KDM5B: variants seen among roughly 807,000 people sequenced by gnomAD.
KDM5B encodes lysine demethylase 5B.
In KDM5B, 144 loss-of-function variants were observed where a neutral mutation model predicts 193.4. The observed-to-expected ratio is 0.74, with a 90% CI of 0.65 to 0.86. The LOEUF is 0.86. Among genes scored for constraint, KDM5B ranks in the 40% least tolerant of loss-of-function variants. The pLI is 0.00. For synonymous variants in KDM5B, 668 were observed against 682.6 expected, an observed-to-expected ratio of 0.98 and a Z score of 0.33; for missense variants, 1,833 against 1,886.9, an observed-to-expected ratio of 0.97 and a Z score of 0.53.
chr1:202,733,171 T>C (rs935596491), intron 23 of KDM5B, among the ~76,000 whole-genome samples: 1 of 152,206 alleles, frequency 6.6e-6, no homozygotes, highest in African/African-American at 2.4e-5. Flanking sequence ...AAGCTAAATA[T>C]GTGCTCTATA....
chr1:202,776,725 C>T (rs1656972218), intron 2 of KDM5B, among the ~76,000 whole-genome samples: 1 of 152,058 alleles, frequency 6.6e-6, no homozygotes, highest in Non-Finnish European at 1.5e-5. Flanking sequence ...TCACACGTGG[C>T]TAATTTTTTA....
chr1:202,767,203 T>C, intron 4 of KDM5B, 143 bp from the exon 5 acceptor site: 1 of 1,556,734 alleles, frequency 6.4e-7, no homozygotes, highest in Non-Finnish European at 8.9e-7. Context: ...TCTTCATATC[T>C]GTTAAATGGA....
chr1:202,749,076 G>C lies in KDM5B; in HGVS notation c.1885C>G (p.His629Asp), dbSNP rs1185279885. 6.2e-7 allele frequency: 1 copy of C among 1,614,016 alleles called. No homozygotes were observed. Among genetic ancestry groups the C allele is most frequent in the Non-Finnish European group, 8.5e-7 (1 of 1,179,976 alleles). The change falls in exon 14 of 27, where the codon CAC becomes GAC. Residue 629 changes from histidine to aspartate, a missense_variant. Around this residue, in one of 3 missense-constraint regions of KDM5B, gnomAD observed 1,379 missense variants for 1,349.6 expected, o/e 1.02. Coordinates refer to ENST00000367265, the MANE Select transcript of KDM5B (RefSeq NM_006618.5). ...GCCATCTTGCAGATCATCTCATCGT[G>C]GGAAAACACACAATATCGATGAAGC... is the stretch of plus-strand genomic sequence containing the variant. ...RLLHRYCVFS[H>D]DEMICKMASK...
chr1:202,730,008 T>G lies in KDM5B; in HGVS notation c.4196A>C (p.Lys1399Thr). The G allele has an allele frequency of 6.2e-7, 1 of 1,611,314 alleles. No homozygotes were observed. Among genetic ancestry groups the G allele is most frequent in the Non-Finnish European group, 8.5e-7 (1 of 1,178,588 alleles). ...SSEKNDCCRG[K>T]RDGINSLERK... ...CTCAAGACTGTTAATTCCATCTCGC[T>G]TCCCTCGGCAACAGTCATTCTGGGT... Residue 1399 changes from lysine (K) to threonine (T), a missense_variant, in exon 26 of 27, where the codon AAG becomes ACG. Lys to Thr is a moderately conservative substitution (Grantham distance 78, BLOSUM62 -1). Transcript: ENST00000367265.
At chr1:202,749,414 G>A (rs1156399364) in intron 13 of KDM5B, among the ~76,000 whole-genome samples, 3 of 152,182 alleles carry the variant, frequency 2.0e-5, no homozygotes, top group African/African-American at 4.8e-5. Flanking sequence ...AACATTAGTC[G>A]GGTGTGGCGG....
intron 15 of KDM5B, 69 bp downstream of exon 15, chr1:202,746,073 C>T (rs1401393535): frequency 1.6e-5 from 26 of 1,577,046 alleles, no homozygotes; most frequent in African/African-American, 8.1e-5. Context: ...CCTAGAACTG[C>T]GGTATCATTG....
intron 1 of KDM5B, among the ~76,000 whole-genome samples, chr1:202,782,151 T>C (rs537423357): frequency 6.6e-6 from 1 of 152,290 alleles, no homozygotes; most frequent in Admixed American, 6.5e-5. Flanking sequence ...GAGAAGATCA[T>C]TTTTGCATGA....
At chr1:202,776,923 A>G in intron 2 of KDM5B, 94 bp downstream of exon 2, 2 of 836,112 alleles carry the variant, frequency 2.4e-6, no homozygotes, top group East Asian at 2.5e-5. Flanking sequence ...ACAGATTTAC[A>G]ATGGTGATTC....
rs536127249 is a variant in KDM5B at position 202,762,500 on chromosome 1, T to C, written c.918+199A>G. Among the ~76,000 whole-genome samples the C allele has an allele frequency of 2.0e-5, 3 of 152,364 alleles. No homozygotes were observed. In the East Asian group the frequency reaches 5.8e-4, roughly 29 times the overall value. On this transcript the variant is annotated intron_variant, in intron 7 of 26. Coordinates refer to ENST00000367265, the MANE Select transcript of KDM5B (RefSeq NM_006618.5). ...GCCCCGGATGTTACTACCATCTTTATAGTATGATCATGTATTTCCTCATTT... is the reference window on the plus strand; with the variant it reads ...GCCCCGGATGTTACTACCATCTTTACAGTATGATCATGTATTTCCTCATTT...
At chr1:202,746,603 T>G (rs1655570802) in intron 14 of KDM5B, 1 of 285,348 alleles carries the variant, frequency 3.5e-6, no homozygotes, top group African/African-American at 2.2e-5. Context: ...ACTACTGAGA[T>G]TAGTTATCTG....
Position 202,728,797 on chromosome 1 carries a change from C to A in KDM5B, c.*239G>T, listed in dbSNP as rs201521371. 2.3e-6 allele frequency: 1 copy of A among 428,850 alleles called. No individual in the cohort carries two copies. Among genetic ancestry groups the A allele is most frequent in the East Asian group, 4.1e-5 (1 of 24,512 alleles). The allele number at this position is 428,850 out of a possible 1,614,324, so 26.6% of individuals were successfully genotyped here. On this transcript the variant is annotated 3_prime_UTR_variant, in exon 27 of 27. Coordinates refer to ENST00000367265, the MANE Select transcript of KDM5B (RefSeq NM_006618.5). ...CCTGCAAAAAAAACAGTCAGCTTTT[C>A]AAACCTCAACAACCACAAATAGCTC...
intron 24 of KDM5B, 41 bp from the exon 25 acceptor site, chr1:202,731,104 G>A: frequency 6.6e-7 from 1 of 1,518,204 alleles, no homozygotes; most frequent in Non-Finnish European, 8.9e-7. Context: ...AACAACAAAG[G>A]GTGTTTCACA....
At chr1:202,772,357 T>A (rs1327217265) in intron 4 of KDM5B, among the ~76,000 whole-genome samples, 1 of 152,184 alleles carries the variant, frequency 6.6e-6, no homozygotes, top group Non-Finnish European at 1.5e-5. Context: ...TACATAGGAA[T>A]TACTAGAAGA....
rs1260206847 is a variant in KDM5B, at chr1:202,774,709, G to A, written c.309C>T (p.Phe103=). ...CCCAGTACTTTGCAATCTGGTCCAA[G>A]AAATTCAATTTTACACGAGTTTGGG... is the stretch of plus-strand genomic sequence containing the variant. ...LEAQTRVKLN[F]LDQIAKYWEL... is the part of the protein sequence containing the mutation. The change falls in exon 3 of 27, where the codon TTC becomes TTT. Residue 103 remains phenylalanine, a synonymous_variant. Transcript: ENST00000367265. 13 of 1,613,238 alleles carry A rather than the reference G, an allele frequency of 8.1e-6. No homozygotes were observed. Among genetic ancestry groups the A allele is most frequent in the South Asian group, 1.1e-5 (1 of 90,960 alleles).
chr1:202,765,821 G>A (rs1030504338), intron 5 of KDM5B, among the ~76,000 whole-genome samples: 14 of 151,916 alleles, frequency 9.2e-5, no homozygotes, highest in African/African-American at 3.4e-4. Flanking sequence ...TGCAATATGA[G>A]GCTTCCCAGC....
rs146430952 is a variant in KDM5B at position 202,772,789 on chromosome 1, C to T, written c.576+329G>A. On this transcript the variant is annotated intron_variant, in intron 4 of 26. Transcript: ENST00000367265. ...TCGGCTCACTGCAACCTCCACCTTC[C>T]GGGTTCAAGCGGTTCTCCTGCCTCA... is the stretch of plus-strand genomic sequence containing the variant. 7.8e-3 allele frequency among the ~76,000 whole-genome samples: 1,191 copies of T among 152,104 alleles called. 17 individuals carry two copies. Among genetic ancestry groups the T allele is most frequent in the African/African-American group, 0.027 (1,124 of 41,506 alleles).
In KDM5B at chr1:202,777,015, A is replaced by G; in HGVS notation, c.282+2T>C. On this transcript the variant is annotated splice_donor_variant, in intron 2 of 26. Coordinates refer to ENST00000367265, the MANE Select transcript of KDM5B (RefSeq NM_006618.5). LOFTEE classifies it high-confidence loss of function. ...CAAACAGAACAATAGTGAAGACATT[A>G]CCTCCAATTCATTCAGTCTCTGGAT... The G allele has an allele frequency of 6.3e-7, 1 of 1,596,716 alleles. No homozygotes were observed. Among genetic ancestry groups the G allele is most frequent in the Non-Finnish European group, 8.6e-7 (1 of 1,164,248 alleles).
At chr1:202,734,907 T>C (rs1421037971) in intron 22 of KDM5B, among the ~76,000 whole-genome samples, 1 of 152,206 alleles carries the variant, frequency 6.6e-6, no homozygotes, top group African/African-American at 2.4e-5. Flanking sequence ...ATTAAAAGCA[T>C]CACATAGCTA....
chr1:202,779,981 T>A (rs961084192), intron 1 of KDM5B, among the ~76,000 whole-genome samples: 42 of 152,142 alleles, frequency 2.8e-4, no homozygotes, highest in African/African-American at 9.6e-4. Flanking sequence ...TATAAAGAGT[T>A]CATAACAATC....
Sources: allele counts gnomAD v4.1 joint callset (sites outside exome capture counted in the v4.1 genomes callset), GRCh38; gene constraint gnomAD v4.1.1; regional missense constraint gnomAD v4.1.1; transcripts MANE v1.5; gene names NCBI Gene and HGNC (gene_info 2026-07-23, HGNC 2026-07-21).